The following HIPK3 variants were observed in gnomAD, a reference collection of about 807,000 sequenced individuals.
HIPK3 encodes homeodomain interacting protein kinase 3.
A neutral mutation model predicts 124.2 loss-of-function variants in HIPK3; 47 were observed. The ratio of observed to expected loss-of-function variants is 0.38; its 90% confidence interval spans 0.30 to 0.48. HIPK3 has a LOEUF of 0.48. Ranked by LOEUF, HIPK3 falls within the 20% of genes least tolerant of loss-of-function variation. The pLI is 0.98. For synonymous variants in HIPK3, 482 were observed against 515.2 expected (o/e 0.94, Z 0.87); for missense variants, 1,286 against 1,454.3 (o/e 0.88, Z 1.88).
At chr11:33,314,323 T>C (rs533681089) in intron 2 of HIPK3, among the ~76,000 whole-genome samples, 1 of 152,178 alleles carries the variant, frequency 6.6e-6, no homozygotes, top group African/African-American at 2.4e-5. Flanking sequence ...TTTGTTAGGA[T>C]TAAGTGAGAT....
chr11:33,297,090 GA>G (rs1851861742), intron 2 of HIPK3, among the ~76,000 whole-genome samples: 1 of 115,786 alleles, frequency 8.6e-6, no homozygotes, highest in Non-Finnish European at 1.8e-5. Context: ...ATATGGAAAA[GA>G]TTTTTTTTTT....
intron 2 of HIPK3, among the ~76,000 whole-genome samples, chr11:33,310,281 T>TATCTATCTATCTATCTATCTATCTATC (rs1554965371): frequency 1.8e-4 from 22 of 121,148 alleles, no homozygotes; most frequent in Middle Eastern, 4.2e-3. Context: ...TCTGTCTATC[T>TATCTATCTATCTATCTATCTATCTATC]TATCTATCTA....
intron 1 of HIPK3, among the ~76,000 whole-genome samples, chr11:33,279,212 G>A (rs1401692453): frequency 6.8e-6 from 1 of 147,912 alleles, no homozygotes; most frequent in Non-Finnish European, 1.5e-5. Flanking sequence ...TACTTGGGAG[G>A]CTGAGGCGCG....
chr11:33,260,548 AAG>A (rs1253863370), intron 1 of HIPK3, among the ~76,000 whole-genome samples: 2 of 152,196 alleles, frequency 1.3e-5, no homozygotes, highest in African/African-American at 2.4e-5. Context: ...TTTACCAGGT[AAG>A]AGAGTTAACT....
intron 3 of HIPK3, among the ~76,000 whole-genome samples, chr11:33,334,186 A>G (rs1853069530): frequency 6.6e-6 from 1 of 152,198 alleles, no homozygotes; most frequent in Non-Finnish European, 1.5e-5. Context: ...ACAGACATGT[A>G]AAAAATTGTA....
At chr11:33,292,713 A>G (rs1851730791) in intron 2 of HIPK3, among the ~76,000 whole-genome samples, 1 of 152,184 alleles carries the variant, frequency 6.6e-6, no homozygotes, top group Non-Finnish European at 1.5e-5. Context: ...GTTTTAATAG[A>G]AGATTAGGAA....
chr11:33,276,394 T>G (rs762185425), intron 1 of HIPK3, among the ~76,000 whole-genome samples: 1 of 152,236 alleles, frequency 6.6e-6, no homozygotes, highest in Non-Finnish European at 1.5e-5. Flanking sequence ...TTTCATATTT[T>G]TGAGACAGGG....
chr11:33,273,076 C>T (rs1230185202), intron 1 of HIPK3, among the ~76,000 whole-genome samples: 1 of 151,690 alleles, frequency 6.6e-6, no homozygotes, highest in East Asian at 1.9e-4. Flanking sequence ...TCAAATGATC[C>T]TCCTGCCTAC....
intron 1 of HIPK3, among the ~76,000 whole-genome samples, chr11:33,263,107 C>G (rs559867058): frequency 2.0e-5 from 3 of 152,258 alleles, no homozygotes; most frequent in African/African-American, 7.2e-5. Flanking sequence ...TGGGCCCAAG[C>G]GATCCTTCTG....
In HIPK3 at chr11:33,341,664, T is replaced by A. The variant is rs1853339946; in HGVS notation, c.1875T>A (p.Ile625=). 6.2e-7 allele frequency: 1 copy of A among 1,613,344 alleles called. No individual in the cohort carries two copies. The highest frequency in any genetic ancestry group is 8.5e-7 in the Non-Finnish European group (1 of 1,179,574). ...GTGATGCTTTTCAGCAGACATTGATTATCTGTCCCCCAGCTATTCAAGGTA... is the reference window on the plus strand; with the variant it reads ...GTGATGCTTTTCAGCAGACATTGATAATCTGTCCCCCAGCTATTCAAGGTA... ...GCGDAFQQTL[I]ICPPAIQGIP... is the part of the protein sequence containing the mutation. The change falls in exon 8 of 17, where the codon ATT becomes ATA. Residue 625 remains isoleucine, a synonymous_variant. Coordinates refer to ENST00000303296, the MANE Select transcript of HIPK3 (RefSeq NM_005734.5).
intron 2 of HIPK3, among the ~76,000 whole-genome samples, chr11:33,327,101 TAAGAAATG>T (rs1852833364): frequency 6.6e-6 from 1 of 152,122 alleles, no homozygotes; most frequent in Non-Finnish European, 1.5e-5. Flanking sequence ...GAAAGTTTGA[TAAGAAATG>T]GATTATTTAT....
chr11:33,262,558 T>G (rs1376418281), intron 1 of HIPK3, among the ~76,000 whole-genome samples: 1 of 152,236 alleles, frequency 6.6e-6, no homozygotes, highest in Non-Finnish European at 1.5e-5. Flanking sequence ...ATGAATATTG[T>G]CAATATGTAT....
chr11:33,323,016 C>T (rs1357926128), intron 2 of HIPK3, among the ~76,000 whole-genome samples: 1 of 152,152 alleles, frequency 6.6e-6, no homozygotes, highest in Non-Finnish European at 1.5e-5. Context: ...CTGACATGGC[C>T]TGTCCTGTTA....
chr11:33,343,983 C>G (rs551058270), intron 8 of HIPK3, among the ~76,000 whole-genome samples: 1 of 152,192 alleles, frequency 6.6e-6, no homozygotes, highest in East Asian at 1.9e-4. Context: ...TAGATGCTAA[C>G]AATATAATGC....
At chr11:33,310,281 T>TATCTTATCTATCTATCTATCTATCTATC (rs1554965371) in intron 2 of HIPK3, among the ~76,000 whole-genome samples, 1 of 121,074 alleles carries the variant, frequency 8.3e-6, no homozygotes, top group Non-Finnish European at 1.8e-5. Context: ...TCTGTCTATC[T>TATCTTATCTATCTATCTATCTATCTATC]TATCTATCTA....
chr11:33,333,083 C>G (rs1314335547), intron 3 of HIPK3, among the ~76,000 whole-genome samples: 3 of 152,130 alleles, frequency 2.0e-5, no homozygotes, highest in Non-Finnish European at 4.4e-5. Context: ...CCAAACACCT[C>G]CCACCAGGCC....
chr11:33,297,091 ATTT>A (rs34751907), intron 2 of HIPK3, among the ~76,000 whole-genome samples: 4 of 136,474 alleles, frequency 2.9e-5, no homozygotes, highest in Admixed American at 7.5e-5. Flanking sequence ...TATGGAAAAG[ATTT>A]TTTTTTTTTT....
chr11:33,280,318 T>C (rs1851378870), intron 1 of HIPK3, among the ~76,000 whole-genome samples: 1 of 152,180 alleles, frequency 6.6e-6, no homozygotes, highest in East Asian at 1.9e-4. Context: ...TTTTGGACCA[T>C]GGGCTTCAGC....
intron 3 of HIPK3, among the ~76,000 whole-genome samples, chr11:33,331,874 A>G (rs1852997326): frequency 1.3e-5 from 2 of 152,132 alleles, no homozygotes; most frequent in Non-Finnish European, 2.9e-5. Context: ...ATAGATGTAA[A>G]CTAAAGAGTT....
Sources: gnomAD v4.1 joint callset for allele counts (sites outside exome capture counted in the v4.1 genomes callset) on GRCh38, gnomAD v4.1.1 for gene constraint, MANE v1.5 for transcripts, NCBI Gene and HGNC (gene_info 2026-07-23, HGNC 2026-07-21) for gene names.